Variants in PPHLN1 observed in about 807,000 individuals in gnomAD.
PPHLN1 encodes periphilin-1.
PPHLN1 carries 29 observed loss-of-function variants against 51.3 expected under a neutral mutation model. The observed-to-expected ratio is 0.57, with a 90% CI of 0.42 to 0.77. The LOEUF (loss-of-function observed/expected upper bound fraction) is 0.77, where lower values mean the gene tolerates loss of function less well. Ranked by LOEUF, PPHLN1 falls within the 30% of genes least tolerant of loss-of-function variation. The probability of loss-of-function intolerance (pLI) is 0.00; values close to 1 mark genes in which losing one functional copy is unlikely to be tolerated. For missense variants in PPHLN1, 436 were observed against 438.4 expected (o/e 0.99, Z 0.05); for synonymous variants, 147 against 147.8 (o/e 0.99, Z 0.04).
Position 42,393,438 on chromosome 12 carries a change from A to G in PPHLN1, c.649-132A>G, listed in dbSNP as rs79101453. On this transcript the variant is annotated intron_variant, in intron 7 of 9. Coordinates refer to ENST00000358314, the MANE Select transcript of PPHLN1 (RefSeq NM_201439.2). Reference sequence around the variant, plus strand: ...GTTGAATATTTTTGAAGGAGGAAATAAAGAATGTACCTGTTCTCCATAGAA... The same window carrying G: ...GTTGAATATTTTTGAAGGAGGAAATGAAGAATGTACCTGTTCTCCATAGAA... The G allele has an allele frequency of 1.4e-4, 120 of 833,418 alleles. No individual in the cohort carries two copies. The East Asian group carries it at 3.3e-3, about 23-fold the overall frequency. 51.6% of individuals were successfully genotyped at this position (833,418 alleles called of 1,614,324 possible).
At chr12:42,369,527 T>C (rs757392842) in intron 4 of PPHLN1, among the ~76,000 whole-genome samples, 3 of 152,230 alleles carry the variant, frequency 2.0e-5, no homozygotes, top group Non-Finnish European at 4.4e-5. Context: ...ATCTTTTGAG[T>C]GCTATATGCC....
intron 9 of PPHLN1, among the ~76,000 whole-genome samples, chr12:42,436,761 A>G (rs2082522699): frequency 6.6e-6 from 1 of 152,188 alleles, no homozygotes; most frequent in South Asian, 2.1e-4. Context: ...AAGATTGAAT[A>G]TGGGACAAAG....
At chr12:42,424,489 C>G (rs779283468) in intron 9 of PPHLN1, among the ~76,000 whole-genome samples, 6 of 152,106 alleles carry the variant, frequency 3.9e-5, no homozygotes, top group Admixed American at 3.3e-4. Flanking sequence ...TTAGTGAACT[C>G]TAGGATTCAT....
chr12:42,419,274 C>T (rs763030818), intron 9 of PPHLN1, among the ~76,000 whole-genome samples: 1 of 152,100 alleles, frequency 6.6e-6, no homozygotes, highest in Non-Finnish European at 1.5e-5. Context: ...TGGAGTCTCA[C>T]TCTGTTGCCC....
intron 2 of PPHLN1, among the ~76,000 whole-genome samples, chr12:42,351,027 G>A (rs1356040106): frequency 1.3e-5 from 2 of 152,042 alleles, no homozygotes; most frequent in Non-Finnish European, 2.9e-5. Context: ...GGAAGAGGGA[G>A]AGGGTTTTGT....
chr12:42,416,356 GTGTTC>G (rs1396501713), intron 9 of PPHLN1, among the ~76,000 whole-genome samples: 1 of 152,222 alleles, frequency 6.6e-6, no homozygotes, highest in Non-Finnish European at 1.5e-5. Flanking sequence ...TTGGAAGGAA[GTGTTC>G]TGTTTCAACC....
At chr12:42,370,623 G>A (rs2075714946) in intron 4 of PPHLN1, among the ~76,000 whole-genome samples, 1 of 151,876 alleles carries the variant, frequency 6.6e-6, no homozygotes, top group Admixed American at 6.6e-5. Flanking sequence ...TAGTGAATTG[G>A]CTTTTTTCTA....
At chr12:42,375,133 G>C (rs2076145455) in intron 5 of PPHLN1, 59 bp downstream of exon 5, 4 of 1,284,310 alleles carry the variant, frequency 3.1e-6, no homozygotes, top group Non-Finnish European at 4.3e-6. Context: ...AGAATGTACT[G>C]AGTCAGATTT....
chr12:42,424,559 A>G (rs1014924176), intron 9 of PPHLN1, among the ~76,000 whole-genome samples: 1 of 152,202 alleles, frequency 6.6e-6, no homozygotes, highest in Non-Finnish European at 1.5e-5. Flanking sequence ...CAGTTGGCAT[A>G]TAATGTAAAT....
intron 9 of PPHLN1, among the ~76,000 whole-genome samples, chr12:42,413,536 G>A (rs1592840231): frequency 1.4e-5 from 1 of 74,026 alleles, no homozygotes; most frequent in African/African-American, 3.4e-5. Flanking sequence ...ATGTGTGTGT[G>A]TGTGTGTGTG....
At chr12:42,441,210 GTC>G in intron 9 of PPHLN1, 103 bp from the exon 10 acceptor site, 1 of 1,397,152 alleles carries the variant, frequency 7.2e-7, no homozygotes, top group Non-Finnish European at 9.5e-7. Context: ...TCTTTTTTGT[GTC>G]TCTCTTTTAG....
chr12:42,441,589 T>C lies in PPHLN1; in HGVS notation c.*80T>C. On this transcript the variant is annotated 3_prime_UTR_variant, in exon 10 of 10. Transcript: ENST00000358314. ...CTGGATTGTGTAAATCCTTAATATA[T>C]GGAATTTTTGTGATGCAGAGAAATA... 1 of 1,384,226 alleles carries C rather than the reference T, an allele frequency of 7.2e-7. No individual in the cohort carries two copies. The highest frequency in any genetic ancestry group is 9.4e-7 in the Non-Finnish European group (1 of 1,065,554). The allele number at this position is 1,384,226 out of a possible 1,614,324, so 85.7% of individuals were successfully genotyped here.
At chr12:42,326,383 C>G (rs2068772971) in intron 1 of PPHLN1, among the ~76,000 whole-genome samples, 154 bp downstream of exon 1, 1 of 151,948 alleles carries the variant, frequency 6.6e-6, no homozygotes, top group South Asian at 2.1e-4. Context: ...GGTGGAGAGA[C>G]GCAGTGGAGT....
intron 3 of PPHLN1, 103 bp downstream of exon 3, chr12:42,352,152 C>A: frequency 9.5e-7 from 1 of 1,048,118 alleles, no homozygotes; most frequent in Non-Finnish European, 1.3e-6. Context: ...TGAATAAACA[C>A]TTTCTGCTTG....
At chr12:42,346,246 G>A (rs768836147) in intron 2 of PPHLN1, among the ~76,000 whole-genome samples, 6 of 151,578 alleles carry the variant, frequency 4.0e-5, no homozygotes, top group South Asian at 4.2e-4. Context: ...TCCCCTACCC[G>A]TGGTAACCAG....
At chr12:42,392,115 C>A (rs1356488461) in intron 7 of PPHLN1, among the ~76,000 whole-genome samples, 1 of 152,150 alleles carries the variant, frequency 6.6e-6, no homozygotes, top group Non-Finnish European at 1.5e-5. Flanking sequence ...ACTCGGGAGG[C>A]TGAGGTTGGG....
At chr12:42,350,599 G>A (rs534051093) in intron 2 of PPHLN1, among the ~76,000 whole-genome samples, 1 of 152,288 alleles carries the variant, frequency 6.6e-6, no homozygotes, top group African/African-American at 2.4e-5. Flanking sequence ...AGCACTTTGG[G>A]AGGCCAAGGC....
At chr12:42,412,569 AT>A (rs1292716306) in intron 9 of PPHLN1, among the ~76,000 whole-genome samples, 1 of 151,572 alleles carries the variant, frequency 6.6e-6, no homozygotes, top group East Asian at 1.9e-4. Flanking sequence ...TGTCTTTTTA[AT>A]TTTTTTTCCT....
downstream of PPHLN1, chr12:42,446,466 A>T: frequency 7.4e-7 from 1 of 1,345,394 alleles, no homozygotes; most frequent in East Asian, 2.5e-5. Context: ...AGTAACAGCC[A>T]TATGGAAGGA....
Sources: gnomAD v4.1 joint callset for allele counts (sites outside exome capture counted in the v4.1 genomes callset) on GRCh38, gnomAD v4.1.1 for gene constraint, MANE v1.5 for transcripts, NCBI Gene and HGNC (gene_info 2026-07-23, HGNC 2026-07-21) for gene names.